VPS13D: variants seen among roughly 807,000 people sequenced by gnomAD.
VPS13D encodes vacuolar protein sorting 13 homolog D.
A neutral mutation model predicts 461.9 loss-of-function variants in VPS13D; 187 were observed. The ratio of observed to expected loss-of-function variants is 0.40; its 90% CI spans 0.36 to 0.46. The LOEUF is 0.46. Ranked by LOEUF, VPS13D falls within the 20% of genes least tolerant of loss-of-function variation. The probability of loss-of-function intolerance (pLI) is 0.60; values close to 1 mark genes in which losing one functional copy is unlikely to be tolerated. For synonymous variants in VPS13D, 1,951 were observed against 1,986.3 expected, an observed-to-expected ratio of 0.98 and a Z score of 0.47; for missense variants, 4,711 against 5,364.9, an observed-to-expected ratio of 0.88 and a Z score of 3.81.
At chr1:12,307,408 A>G (rs1414776300) in intron 26 of VPS13D, among the ~76,000 whole-genome samples, 1 of 152,198 alleles carries the variant, frequency 6.6e-6, no homozygotes, top group Non-Finnish European at 1.5e-5. Flanking sequence ...TGAGCAGGAG[A>G]GAGAATGGCT....
At position 12,369,542 on chromosome 1, in the gene VPS13D, G is replaced by T; in HGVS notation, c.10648G>T (p.Asp3550Tyr). 6.2e-7 allele frequency: 1 copy of T among 1,614,130 alleles called. No individual in the cohort carries two copies. The highest frequency in any genetic ancestry group is 8.5e-7 in the Non-Finnish European group (1 of 1,180,044). Reference protein sequence around the residue: ...RTEVKPMTSLDYAWDEPTLPP... With the variant: ...RTEVKPMTSLYYAWDEPTLPP... ...TGAAGTGAAGCCCATGACTTCATTG[G>T]ATTATGCCTGGGACGAACCCACCTT... The change falls in exon 54 of 70, where the codon GAT becomes TAT. Residue 3550 changes from aspartate to tyrosine, a missense_variant. Physicochemically the swap from Asp to Tyr is radical, Grantham distance 160. This residue lies in a region of VPS13D where 4,411 missense variants were observed against 4,937.8 expected (regional missense o/e 0.89). Transcript: ENST00000620676.
In VPS13D at chr1:12,311,352, T is replaced by C. The variant is rs916368252; in HGVS notation, c.6651-102T>C. 3.7e-5 allele frequency: 39 copies of C among 1,053,160 alleles called. 1 individual carries two copies. The highest frequency in any genetic ancestry group is 4.0e-5 in the Non-Finnish European group (31 of 765,844). 65.2% of individuals were successfully genotyped at this position (1,053,160 alleles called of 1,614,324 possible). A position where few individuals can be genotyped will look rare whatever the true frequency, so the allele number is the denominator to read the frequency against. On this transcript the variant is annotated intron_variant, in intron 27 of 69. Transcript: ENST00000620676. ...TTGGAAGTAGGAATTACCTACTTGA[T>C]AATGTAGGTGAGTACATTTTAGCCC...
intron 54 of VPS13D, among the ~76,000 whole-genome samples, chr1:12,373,466 T>C (rs546853133): frequency 6.6e-6 from 1 of 151,926 alleles, no homozygotes; most frequent in South Asian, 2.1e-4. Context: ...TAAAGATATA[T>C]GGTTATACTT....
intron 39 of VPS13D, chr1:12,336,727 C>T (rs1012552672): frequency 6.6e-6 from 1 of 152,212 alleles, no homozygotes; most frequent in African/African-American, 2.4e-5. Flanking sequence ...GTCAGCTGTG[C>T]TTGTTCTCTG....
chr1:12,319,623 G>T lies in VPS13D; in HGVS notation c.7541G>T (p.Gly2514Val). The change falls in exon 32 of 70, where the codon GGC (glycine) becomes GTC (valine). Residue 2514 changes from glycine to valine, a missense_variant. By Grantham distance (109) the Gly-to-Val change is moderately radical (BLOSUM62 -3). Transcript: ENST00000620676. ...CGCCCCTTTTCAGGAAGTTTGTTTG[G>T]CATTGAGGTAAGAAGTCTATGTGTT... ...VDRPFSGSLFGIEVFSCRLGN... is the reference protein window; with the variant it reads ...VDRPFSGSLFVIEVFSCRLGN... 1.2e-6 allele frequency: 2 copies of T among 1,614,212 alleles called. No individual in the cohort carries two copies. Among genetic ancestry groups the T allele is most frequent in the Non-Finnish European group, 1.7e-6 (2 of 1,180,034 alleles).
chr1:12,387,487 A>G (rs1644364556), intron 60 of VPS13D, among the ~76,000 whole-genome samples: 1 of 152,080 alleles, frequency 6.6e-6, no homozygotes, highest in African/African-American at 2.4e-5. Flanking sequence ...ACTGGCACAG[A>G]TGTTAGAATT....
chr1:12,262,824 C>T (rs1641152866), intron 13 of VPS13D, among the ~76,000 whole-genome samples: 1 of 151,990 alleles, frequency 6.6e-6, no homozygotes, highest in Non-Finnish European at 1.5e-5. Context: ...CTGCCTCAGC[C>T]TCCTGAGTAG....
At chr1:12,453,322 C>A (rs639329) in intron 65 of VPS13D, among the ~76,000 whole-genome samples, 5,856 of 151,910 alleles carry the variant, frequency 0.039, 142 homozygotes, top group Non-Finnish European at 0.046. Context: ...TAGCTGCCAG[C>A]GATAGGTAAA....
In VPS13D at chr1:12,256,495, C is replaced by A; in HGVS notation, c.832C>A (p.Leu278Ile). The A allele has an allele frequency of 6.2e-7, 1 of 1,613,926 alleles. No homozygotes were observed. Among genetic ancestry groups the A allele is most frequent in the East Asian group, 2.2e-5 (1 of 44,900 alleles). The change falls in exon 8 of 70, where the codon CTC becomes ATC. Residue 278 changes from leucine to isoleucine, a missense_variant. Transcript: ENST00000620676. The stretch of plus-strand genomic sequence containing the variant: ...TCAGCTGGAGACCATTCCCTTGAAA[C>A]TCTCTCAGGTATGCCCTTTCTTCTC... ...DIQLETIPLKLSQLQYRQIME... is the reference protein window; with the variant it reads ...DIQLETIPLKISQLQYRQIME...
intron 67 of VPS13D, among the ~76,000 whole-genome samples, chr1:12,464,220 T>G (rs942792200): frequency 6.6e-6 from 1 of 152,162 alleles, no homozygotes; most frequent in Non-Finnish European, 1.5e-5. Context: ...CCCCACTGTT[T>G]AGACAACAGG....
intron 60 of VPS13D, among the ~76,000 whole-genome samples, chr1:12,390,528 C>G (rs1416172925): frequency 6.6e-6 from 1 of 152,146 alleles, no homozygotes. Flanking sequence ...TAAGGCATTC[C>G]ATGAGTCCAC....
chr1:12,340,522 T>C (rs74994250), intron 40 of VPS13D, among the ~76,000 whole-genome samples: 4,309 of 152,342 alleles, frequency 0.028, 111 homozygotes, highest in African/African-American at 0.061. Flanking sequence ...CCGACTGTTA[T>C]GATACAGTCC....
At chr1:12,274,376 A>G (rs1641546096) in intron 18 of VPS13D, among the ~76,000 whole-genome samples, 2 of 152,056 alleles carry the variant, frequency 1.3e-5, no homozygotes, top group African/African-American at 4.8e-5. Flanking sequence ...GGGTTTCGCC[A>G]TGTTGGCCAG....
At position 12,314,137 on chromosome 1, in the gene VPS13D, C is replaced by G. The variant is rs1376009871; in HGVS notation, c.6958C>G (p.Leu2320Val). The change falls in exon 30 of 70, where the codon CTG becomes GTG. Residue 2320 changes from leucine (L) to valine (V), a missense_variant. This residue lies in a region of VPS13D where 4,411 missense variants were observed against 4,937.8 expected (regional missense o/e 0.89). Transcript: ENST00000620676. The stretch of plus-strand genomic sequence containing the variant: ...TAGATTTGACTTCAAGAAATGCAAA[C>G]TGCTCTATGAAAGTTTTTCCAACCA... ...LARFDFKKCK[L>V]LYESFSNQTK... is the part of the protein sequence containing the mutation. 1.2e-6 allele frequency: 2 copies of G among 1,614,122 alleles called. No homozygotes were observed. The highest frequency in any genetic ancestry group is 2.2e-5 in the South Asian group (2 of 91,062).
intron 67 of VPS13D, among the ~76,000 whole-genome samples, chr1:12,494,946 C>T (rs961258688): frequency 6.6e-6 from 1 of 152,194 alleles, no homozygotes; most frequent in Non-Finnish European, 1.5e-5. Context: ...CAGGCACTCA[C>T]TCGTTTATTC....
chr1:12,508,472 G>A (rs192180929), intron 69 of VPS13D, among the ~76,000 whole-genome samples: 2,903 of 151,252 alleles, frequency 0.019, 113 homozygotes, highest in Admixed American at 0.1. Flanking sequence ...TTGGGAGGCC[G>A]AGGCGGGCGG....
At position 12,363,156 on chromosome 1, in the gene VPS13D, C is replaced by G; in HGVS notation, c.10357C>G (p.Leu3453Val). ...CTGGCCTCGGAATGACTATGATCAG[C>G]TATTGTGTGTCAGACTGATGGACGT... ...FHWPRNDYDQ[L>V]LCVRLMDVPN... Residue 3453 changes from leucine (L) to valine (V), a missense_variant, in exon 52 of 70, where the codon CTA becomes GTA. This residue lies in a region of VPS13D where 4,411 missense variants were observed against 4,937.8 expected (regional missense o/e 0.89). Transcript: ENST00000620676. 6.2e-7 allele frequency: 1 copy of G among 1,614,196 alleles called. No homozygotes were observed. The highest frequency in any genetic ancestry group is 8.5e-7 in the Non-Finnish European group (1 of 1,180,044).
rs1557682422 is a variant in VPS13D, at chr1:12,279,275, C to CT, written c.4451-217dup. Among the ~76,000 whole-genome samples, 1 of 152,080 alleles carries CT rather than the reference C, an allele frequency of 6.6e-6. No homozygotes were observed. The highest frequency in any genetic ancestry group is 2.4e-5 in the African/African-American group (1 of 41,434). On this transcript the variant is annotated intron_variant, in intron 19 of 69. Coordinates refer to ENST00000620676, the MANE Select transcript of VPS13D (RefSeq NM_015378.4). The surrounding 1 kb of genome is among the most constrained non-coding windows in gnomAD (Gnocchi z 4.3). The stretch of plus-strand genomic sequence containing the variant: ...GGAGCATGTGATGAAAATATTGTTT[C>CT]TTTTTTTGTGTAAATGTATCTTGTA...
intron 67 of VPS13D, chr1:12,497,193 A>C (rs1645970708): frequency 5.3e-6 from 1 of 187,518 alleles, no homozygotes; most frequent in African/African-American, 2.4e-5. Context: ...TTTGGTCTTC[A>C]CAGCAGTCCT....
Sources: allele counts gnomAD v4.1 joint callset (sites outside exome capture counted in the v4.1 genomes callset), GRCh38; gene constraint gnomAD v4.1.1; regional missense constraint gnomAD v4.1.1; non-coding constraint Gnocchi (gnomAD v3.1); transcripts MANE v1.5; gene names NCBI Gene and HGNC (gene_info 2026-07-23, HGNC 2026-07-21).